NOTCH2NLA: variants seen among roughly 807,000 people sequenced by gnomAD.
NOTCH2NLA encodes the protein notch homolog 2 N-terminal-like protein A.
chr1:146,194,832 C>T lies in NOTCH2NLA; in HGVS notation c.-44-5451G>A, dbSNP rs587691699. 2.8e-5 allele frequency among the ~76,000 whole-genome samples: 3 copies of T among 108,438 alleles called. No individual in the cohort carries two copies. In the Admixed American group the frequency reaches 2.9e-4, roughly 10 times the overall value. The allele number at this position is 108,438 out of a possible 152,430, so 71.1% of individuals were successfully genotyped here. A position where few individuals can be genotyped will look rare whatever the true frequency, so the allele number is the denominator to read the frequency against. On this transcript the variant is annotated intron_variant, in intron 1 of 4. Transcript: ENST00000362074. ...CTTACGTGCCCAGTATTACTCCCCA[C>T]CACTTCCACTGCATTCTCTGCCCAG... is the stretch of plus-strand genomic sequence containing the variant.
chr1:146,194,884 G>A (rs1371952242), intron 1 of NOTCH2NLA, among the ~76,000 whole-genome samples: 4 of 112,238 alleles, frequency 3.6e-5, no homozygotes, highest in East Asian at 3.4e-4. Context: ...TGAATAGATC[G>A]TCATTGAACT....
At position 146,185,447 on chromosome 1, in the gene NOTCH2NLA, T is replaced by G. The variant is rs797035351; in HGVS notation, c.38+3853A>C. On this transcript the variant is annotated intron_variant, in intron 2 of 4. Transcript: ENST00000362074. The stretch of plus-strand genomic sequence containing the variant: ...TAGTTATTTAACAGCAATAATTGAG[T>G]TTTATGCAAGATTATACAAGTTCTC... 4.6e-4 allele frequency among the ~76,000 whole-genome samples: 63 copies of G among 135,836 alleles called. 3 individuals are homozygous for G. In the East Asian group the frequency reaches 8.3e-3, roughly 18 times the overall value. 89.1% of individuals were successfully genotyped at this position (135,836 alleles called of 152,430 possible). A position where few individuals can be genotyped will look rare whatever the true frequency, so the allele number is the denominator to read the frequency against.
intron 3 of NOTCH2NLA, among the ~76,000 whole-genome samples, chr1:146,159,493 C>T (rs1436920458): frequency 2.7e-5 from 4 of 149,644 alleles, no homozygotes; most frequent in African/African-American, 4.9e-5. Flanking sequence ...AAGAATCAAC[C>T]CTGAATTTGG....
At chr1:146,172,732 C>T (rs1403947340) in intron 2 of NOTCH2NLA, among the ~76,000 whole-genome samples, 6 of 151,816 alleles carry the variant, frequency 4.0e-5, no homozygotes, top group African/African-American at 9.7e-5. Flanking sequence ...ACATTGTCTC[C>T]GCTGGTATGG....
Position 146,187,837 on chromosome 1 carries a change from C to T in NOTCH2NLA, c.38+1463G>A, listed in dbSNP as rs1559383201. On this transcript the variant is annotated intron_variant, in intron 2 of 4. Coordinates refer to ENST00000362074, the Ensembl canonical transcript of NOTCH2NLA. ...GTATCTCCATTCTTAGAGGAGAATG[C>T]ACCACATTTTTTTTTCCCCCAGCTA... Among the ~76,000 whole-genome samples the T allele has an allele frequency of 2.2e-5, 3 of 136,620 alleles. 1 individual carries two copies. The South Asian group carries it at 6.8e-4, about 31-fold the overall frequency. The allele number at this position is 136,620 out of a possible 152,430, so 89.6% of individuals were successfully genotyped here.
intron 2 of NOTCH2NLA, among the ~76,000 whole-genome samples, chr1:146,175,294 AG>A (rs1424442300): frequency 7.3e-6 from 1 of 137,786 alleles, no homozygotes; most frequent in Non-Finnish European, 1.6e-5. Context: ...CCTGGTAAAG[AG>A]GGGAAAAAAA....
chr1:146,225,324 C>A, intron 1 of NOTCH2NLA, among the ~76,000 whole-genome samples: 1 of 59,538 alleles, frequency 1.7e-5, no homozygotes, highest in South Asian at 4.9e-4. Flanking sequence ...TCATTGCAGA[C>A]GTATATAGAT....
chr1:146,207,763 A>G (rs1393357591), intron 1 of NOTCH2NLA, among the ~76,000 whole-genome samples: 12 of 91,390 alleles, frequency 1.3e-4, no homozygotes, highest in African/African-American at 4.5e-4. Context: ...AATGGACTAA[A>G]GCATGCAGTA....
chr1:146,159,916 C>T (rs1427586081), intron 3 of NOTCH2NLA, among the ~76,000 whole-genome samples: 1 of 38,134 alleles, frequency 2.6e-5, no homozygotes. Flanking sequence ...TGCAGTGAAC[C>T]GAGATTGCAC....
exon 1 of NOTCH2NLA, chr1:146,228,982 C>G (rs1409755321): frequency 7.1e-7 from 1 of 1,410,800 alleles, no homozygotes. Context: ...GCCGCCGCCT[C>G]AGCCGCCGCC....
intron 2 of NOTCH2NLA, among the ~76,000 whole-genome samples, chr1:146,188,014 A>G (rs1364727083): frequency 7.4e-6 from 1 of 134,394 alleles, no homozygotes; most frequent in Non-Finnish European, 1.7e-5. Context: ...GACTTGAAAA[A>G]AAAATCTTGT....
At position 146,159,471 on chromosome 1, in the gene NOTCH2NLA, GAGAA is replaced by G. The variant is rs1365925519; in HGVS notation, c.299-2660_299-2657del. ...AGAGAAAGAAAGAAAGAAAGGAAGG[GAGAA>G]AGAAAGAAAGAATCAACCCTGAATT... On this transcript the variant is annotated intron_variant, in intron 3 of 4. Transcript: ENST00000362074. Among the ~76,000 whole-genome samples the G allele has an allele frequency of 2.7e-5, 4 of 150,370 alleles. No individual in the cohort carries two copies. In the East Asian group the frequency reaches 5.9e-4, roughly 22 times the overall value.
chr1:146,180,744 T>C lies in NOTCH2NLA; in HGVS notation c.38+8556A>G, dbSNP rs587714778. On this transcript the variant is annotated intron_variant, in intron 2 of 4. Transcript: ENST00000362074. ...CTAAACTTCATTCCTAACTACTGTA[T>C]GTTGAGAGGAGGCCTAATGAAAACC... is the stretch of plus-strand genomic sequence containing the variant. Among the ~76,000 whole-genome samples, 223 of 140,182 alleles carry C rather than the reference T, an allele frequency of 1.6e-3. 12 individuals carry two copies. The highest frequency in any genetic ancestry group is 3.4e-3 in the Admixed American group (46 of 13,612). 92.0% of individuals were successfully genotyped at this position (140,182 alleles called of 152,430 possible).
chr1:146,159,387 AAGAG>A (rs1189170436), intron 3 of NOTCH2NLA, among the ~76,000 whole-genome samples: 5 of 116,322 alleles, frequency 4.3e-5, no homozygotes, highest in East Asian at 5.3e-4. Context: ...GGAAGAGAGA[AAGAG>A]AGAGAAAGAA....
rs587667128 is a variant in NOTCH2NLA, at chr1:146,185,299, A to G, written c.38+4001T>C. Among the ~76,000 whole-genome samples, 6 of 136,716 alleles carry G rather than the reference A, an allele frequency of 4.4e-5. No individual in the cohort carries two copies. In the East Asian group the frequency reaches 1.2e-3, roughly 28 times the overall value. The allele number at this position is 136,716 out of a possible 152,430, so 89.7% of individuals were successfully genotyped here. On this transcript the variant is annotated intron_variant, in intron 2 of 4. Coordinates refer to ENST00000362074, the Ensembl canonical transcript of NOTCH2NLA. ...GGTTTATATTTGAAAATCTGAAGCA[A>G]ACAACTTGAAAGTGATTAATGACAT... is the stretch of plus-strand genomic sequence containing the variant.
At chr1:146,180,213 T>C (rs1395691993) in intron 2 of NOTCH2NLA, among the ~76,000 whole-genome samples, 11 of 142,886 alleles carry the variant, frequency 7.7e-5, no homozygotes, top group Non-Finnish European at 1.8e-4. Context: ...AATGCTACCA[T>C]TCTACATAAA....
intron 2 of NOTCH2NLA, among the ~76,000 whole-genome samples, chr1:146,179,523 A>G (rs4083163): frequency 0.34 from 45,980 of 137,074 alleles, 2,806 homozygotes; most frequent in East Asian, 0.45. Context: ...AAAACCTCAC[A>G]CAAACCAGCA....
intron 2 of NOTCH2NLA, among the ~76,000 whole-genome samples, chr1:146,186,051 T>C (rs587698235): frequency 2.9e-5 from 4 of 135,942 alleles, no homozygotes; most frequent in East Asian, 2.0e-4. Flanking sequence ...TGTAGAATGA[T>C]TGACGTGGCT....
chr1:146,153,929 C>T (rs1333436175), downstream of NOTCH2NLA: 23 of 138,080 alleles, frequency 1.7e-4, no homozygotes, highest in African/African-American at 6.1e-4. Flanking sequence ...AAGCTGAAGT[C>T]ATCTGGTTTA....
Sources: allele counts gnomAD v4.1 joint callset (sites outside exome capture counted in the v4.1 genomes callset), GRCh38; gene constraint gnomAD v4.1.1; transcripts MANE v1.5; gene names NCBI Gene and HGNC (gene_info 2026-07-23, HGNC 2026-07-21).